BICDL1: variants seen among roughly 807,000 people sequenced by gnomAD.
BICDL1 encodes BICD family like cargo adaptor 1.
A neutral mutation model predicts 76.8 loss-of-function variants in BICDL1; 20 were observed. That is an observed-to-expected ratio of 0.26 (90% CI 0.18 to 0.38). BICDL1 has a LOEUF of 0.38. BICDL1 is among the 10% of genes least tolerant of loss of function. BICDL1 has a pLI of 1.00. For missense variants in BICDL1, 700 were observed against 798.6 expected, an observed-to-expected ratio of 0.88 and a Z score of 1.49; for synonymous variants, 383 against 337.1, an observed-to-expected ratio of 1.14 and a Z score of -1.49.
chr12:120,010,381 G>A (rs1181878641), intron 2 of BICDL1, among the ~76,000 whole-genome samples: 1 of 152,176 alleles, frequency 6.6e-6, no homozygotes, highest in Non-Finnish European at 1.5e-5. Context: ...TCTTAATTGA[G>A]TTTATAAATT....
At chr12:120,086,288 T>C (rs1237438404) in intron 8 of BICDL1, among the ~76,000 whole-genome samples, 1 of 152,202 alleles carries the variant, frequency 6.6e-6, no homozygotes, top group Non-Finnish European at 1.5e-5. Context: ...ATTTTTGTTA[T>C]ACAAGAATTG....
intron 9 of BICDL1, chr12:120,091,043 T>C: frequency 1.6e-6 from 2 of 1,288,746 alleles, no homozygotes; most frequent in South Asian, 1.2e-5. Context: ...CTACATCCCA[T>C]CCACCGTCTC....
At chr12:120,064,672 G>T (rs1953181402) in intron 3 of BICDL1, 61 bp from the exon 4 acceptor site, 1 of 1,530,678 alleles carries the variant, frequency 6.5e-7, no homozygotes, top group South Asian at 1.3e-5. Context: ...CTAGTCCCTA[G>T]TTCCTACTTG....
In BICDL1 at chr12:119,989,757, C is replaced by A; in HGVS notation, c.-112C>A. The A allele has an allele frequency of 2.9e-6, 1 of 339,650 alleles. No individual in the cohort carries two copies. The highest frequency in any genetic ancestry group is 4.1e-6 in the Non-Finnish European group (1 of 243,838). 21.0% of individuals were successfully genotyped at this position (339,650 alleles called of 1,614,324 possible). ...CTCGCGGGGACCCGGGGGCGCGTGC[C>A]GCGGCGCGAGGCGAGGCGCGGGACG... On this transcript the variant is annotated 5_prime_UTR_variant, in exon 1 of 10. Coordinates refer to ENST00000548673, the MANE Select transcript of BICDL1 (RefSeq NM_001367886.1).
chr12:120,015,797 C>A (rs1001410840), intron 2 of BICDL1, among the ~76,000 whole-genome samples: 2 of 152,196 alleles, frequency 1.3e-5, no homozygotes, highest in Non-Finnish European at 2.9e-5. Flanking sequence ...TGCTGAATTC[C>A]TTTTCCATTG....
chr12:120,074,206 C>T (rs576502961), intron 6 of BICDL1, among the ~76,000 whole-genome samples: 39 of 152,106 alleles, frequency 2.6e-4, no homozygotes, highest in African/African-American at 7.0e-4. Flanking sequence ...CCACTGCGCC[C>T]GGCCACAATC....
In BICDL1 at chr12:120,043,381, C is replaced by G. The variant is rs1016040920; in HGVS notation, c.646-18329C>G. 2.6e-5 allele frequency among the ~76,000 whole-genome samples: 4 copies of G among 152,216 alleles called. 1 individual carries two copies. In the South Asian group the frequency reaches 8.3e-4, roughly 32 times the overall value. ...TCCAAAAAAGAAAAGGATTTCAAATCCATCTGTTATCAAATGAGAATGACT... is the reference window on the plus strand; with the variant it reads ...TCCAAAAAAGAAAAGGATTTCAAATGCATCTGTTATCAAATGAGAATGACT... On this transcript the variant is annotated intron_variant, in intron 2 of 9. Coordinates refer to ENST00000548673, the MANE Select transcript of BICDL1 (RefSeq NM_001367886.1).
intron 2 of BICDL1, among the ~76,000 whole-genome samples, chr12:120,009,343 T>A (rs1306100147): frequency 3.3e-5 from 5 of 152,126 alleles, no homozygotes; most frequent in African/African-American, 1.2e-4. Flanking sequence ...GTCTTCAGGT[T>A]GGTTGTGTGG....
chr12:120,090,245 A>C, intron 9 of BICDL1, 174 bp downstream of exon 9: 2 of 705,884 alleles, frequency 2.8e-6, no homozygotes, highest in Non-Finnish European at 4.5e-6. Context: ...CTTGGGGAAG[A>C]ATGCTTAAGG....
chr12:120,002,409 A>C (rs1951776326), intron 2 of BICDL1, among the ~76,000 whole-genome samples: 1 of 152,134 alleles, frequency 6.6e-6, no homozygotes, highest in African/African-American at 2.4e-5. Flanking sequence ...TGTCTGTGGG[A>C]GGTGTTCACA....
At chr12:120,043,196 G>A (rs1952679215) in intron 2 of BICDL1, among the ~76,000 whole-genome samples, 3 of 152,174 alleles carry the variant, frequency 2.0e-5, no homozygotes, top group Admixed American at 1.3e-4. Context: ...CTCCGACCTA[G>A]AAAATGCTAA....
At chr12:120,033,367 CTTT>C (rs569302592) in intron 2 of BICDL1, among the ~76,000 whole-genome samples, 1 of 77,622 alleles carries the variant, frequency 1.3e-5, no homozygotes, top group Non-Finnish European at 2.2e-5. Context: ...GAGTTCTTGC[CTTT>C]TTTTTTTTTT....
chr12:120,031,143 G>A (rs1952414087), intron 2 of BICDL1, among the ~76,000 whole-genome samples: 2 of 151,048 alleles, frequency 1.3e-5, no homozygotes, highest in South Asian at 4.2e-4. Context: ...TCCATAAGTT[G>A]AAAGAATCAT....
intron 2 of BICDL1, among the ~76,000 whole-genome samples, chr12:120,043,524 G>A (rs570365391): frequency 4.6e-5 from 7 of 152,284 alleles, no homozygotes; most frequent in East Asian, 3.9e-4. Flanking sequence ...TAGAAACACC[G>A]AGCAGCAAAT....
chr12:120,082,956 G>A (rs1874108680), intron 8 of BICDL1, among the ~76,000 whole-genome samples: 1 of 152,058 alleles, frequency 6.6e-6, no homozygotes, highest in Non-Finnish European at 1.5e-5. Context: ...TCCGCCTCTT[G>A]GGTTCAAGCT....
intron 8 of BICDL1, among the ~76,000 whole-genome samples, chr12:120,085,227 C>T (rs1645567138): frequency 6.6e-6 from 1 of 152,054 alleles, no homozygotes; most frequent in South Asian, 2.1e-4. Flanking sequence ...AGGTGGATCA[C>T]TTGAGGTCAG....
intron 5 of BICDL1, 50 bp from the exon 6 acceptor site, chr12:120,072,460 GT>G: frequency 3.9e-6 from 6 of 1,548,216 alleles, no homozygotes; most frequent in Non-Finnish European, 5.4e-6. Flanking sequence ...AGATGGCCAG[GT>G]AGCAGTCTTC....
intron 2 of BICDL1, among the ~76,000 whole-genome samples, chr12:120,029,384 A>G (rs1348858054): frequency 6.6e-6 from 1 of 152,122 alleles, no homozygotes; most frequent in East Asian, 1.9e-4. Flanking sequence ...GATTATTATA[A>G]CTTAGTGTTA....
At chr12:119,995,089 A>G (rs1192604653) in intron 1 of BICDL1, among the ~76,000 whole-genome samples, 1 of 152,152 alleles carries the variant, frequency 6.6e-6, no homozygotes, top group Middle Eastern at 3.4e-3. Flanking sequence ...CTTATTTTTG[A>G]TGACCTTGAC....
Sources: allele counts gnomAD v4.1 joint callset (sites outside exome capture counted in the v4.1 genomes callset), GRCh38; gene constraint gnomAD v4.1.1; transcripts MANE v1.5; gene names NCBI Gene and HGNC (gene_info 2026-07-23, HGNC 2026-07-21).